IRAK2: variants seen among roughly 807,000 people sequenced by gnomAD.
IRAK2 encodes the protein interleukin-1 receptor-associated kinase-like 2.
Under a neutral mutation model 72.0 loss-of-function variants are expected in IRAK2, and 57 were observed. The observed-to-expected ratio is 0.79, with a 90% CI of 0.64 to 0.99. IRAK2 has a LOEUF of 0.99. Ranked by LOEUF, IRAK2 falls within the 50% of genes least tolerant of loss-of-function variation. The pLI, the probability that IRAK2 is intolerant of heterozygous loss-of-function variation, is 0.00. For missense variants in IRAK2, 790 were observed against 794.4 expected, an observed-to-expected ratio of 0.99 and a Z score of 0.07; for synonymous variants, 293 against 312.7, an observed-to-expected ratio of 0.94 and a Z score of 0.67.
At chr3:10,201,706 T>C (rs1455205110) in intron 3 of IRAK2, among the ~76,000 whole-genome samples, 1 of 152,218 alleles carries the variant, frequency 6.6e-6, no homozygotes, top group Admixed American at 6.5e-5. Context: ...GAGCTGCTGC[T>C]CAGCCCAATC....
intron 9 of IRAK2, among the ~76,000 whole-genome samples, chr3:10,224,348 A>G (rs1559451468): frequency 6.6e-6 from 1 of 151,570 alleles, no homozygotes; most frequent in Non-Finnish European, 1.5e-5. Flanking sequence ...AAAAAAAAAA[A>G]AAAGAAAAAA....
At chr3:10,173,162 C>T (rs1696823406) in intron 1 of IRAK2, among the ~76,000 whole-genome samples, 2 of 152,012 alleles carry the variant, frequency 1.3e-5, no homozygotes, top group Admixed American at 1.3e-4. Context: ...GATGAGGAAA[C>T]TGAGGCTCAG....
intron 1 of IRAK2, among the ~76,000 whole-genome samples, chr3:10,177,162 C>T (rs1384623656): frequency 6.6e-6 from 1 of 152,118 alleles, no homozygotes; most frequent in African/African-American, 2.4e-5. Context: ...GTCTTGAACT[C>T]CTGAGCTCCA....
chr3:10,165,543 TG>T (rs1696669877), intron 1 of IRAK2, among the ~76,000 whole-genome samples: 1 of 152,086 alleles, frequency 6.6e-6, no homozygotes, highest in South Asian at 2.1e-4. Context: ...TTGCCCAGGC[TG>T]GAGTGCAATG....
chr3:10,235,352 G>A (rs1403497673), intron 11 of IRAK2, among the ~76,000 whole-genome samples: 2 of 151,776 alleles, frequency 1.3e-5, no homozygotes, highest in Non-Finnish European at 2.9e-5. Context: ...TGTCGCCCAG[G>A]CTGGAGTGCA....
chr3:10,172,837 CAAAAAAA>C (rs533137515), intron 1 of IRAK2, among the ~76,000 whole-genome samples: 1 of 53,956 alleles, frequency 1.9e-5, no homozygotes, highest in Non-Finnish European at 3.1e-5. Flanking sequence ...GACTCTGTCT[CAAAAAAA>C]AAAAAAAAAA....
intron 6 of IRAK2, among the ~76,000 whole-genome samples, chr3:10,214,948 G>C (rs940071933): frequency 1.5e-4 from 23 of 151,830 alleles, no homozygotes; most frequent in African/African-American, 5.6e-4. Flanking sequence ...ACAAAAATTA[G>C]CTGGGTGTGG....
At chr3:10,182,197 G>A (rs1156469319) in intron 2 of IRAK2, among the ~76,000 whole-genome samples, 1 of 151,846 alleles carries the variant, frequency 6.6e-6, no homozygotes, top group Non-Finnish European at 1.5e-5. Context: ...TCGAACTCCT[G>A]ACCCGAGGTG....
At chr3:10,236,182 T>C (rs11706450) in intron 11 of IRAK2, among the ~76,000 whole-genome samples, 65,658 of 151,594 alleles carry the variant, frequency 0.43, 15,151 homozygotes, top group Admixed American at 0.53. Context: ...TGGCCTGAGC[T>C]GAGAGAGAGC....
In IRAK2 at chr3:10,222,915, G is replaced by C. The variant is rs965161229; in HGVS notation, c.1209+84G>C. 4.9e-6 allele frequency: 6 copies of C among 1,236,532 alleles called. No individual in the cohort carries two copies. The African/African-American group carries it at 8.8e-5, about 18-fold the overall frequency. 76.6% of individuals were successfully genotyped at this position (1,236,532 alleles called of 1,614,324 possible). A position where few individuals can be genotyped will look rare whatever the true frequency, so the allele number is the denominator to read the frequency against. On this transcript the variant is annotated intron_variant, in intron 9 of 12. Coordinates refer to ENST00000256458, the MANE Select transcript of IRAK2 (RefSeq NM_001570.4). ...TCCTTTGTAATCACAGGATACGGTAGAGGCACACAGACAGGTTCCATCAAA... is the reference window on the plus strand; with the variant it reads ...TCCTTTGTAATCACAGGATACGGTACAGGCACACAGACAGGTTCCATCAAA...
intron 2 of IRAK2, among the ~76,000 whole-genome samples, chr3:10,183,764 A>C (rs1279103974): frequency 6.6e-6 from 1 of 151,790 alleles, no homozygotes; most frequent in Non-Finnish European, 1.5e-5. Flanking sequence ...AGAATAAATC[A>C]GTACAGAAGG....
chr3:10,197,413 A>G (rs1398716987), intron 2 of IRAK2, among the ~76,000 whole-genome samples: 1 of 151,682 alleles, frequency 6.6e-6, no homozygotes, highest in Non-Finnish European at 1.5e-5. Context: ...AAGAAAAAGA[A>G]AACTAAAAGA....
intron 3 of IRAK2, 123 bp downstream of exon 3, chr3:10,200,638 C>G: frequency 1.3e-6 from 1 of 775,264 alleles, no homozygotes; most frequent in Admixed American, 3.4e-5. Flanking sequence ...GTGGCCCATG[C>G]CTATAATCCC....
intron 2 of IRAK2, among the ~76,000 whole-genome samples, chr3:10,197,729 A>G (rs13319864): frequency 0.045 from 6,490 of 145,546 alleles, 472 homozygotes; most frequent in African/African-American, 0.16. Flanking sequence ...GTGGGCGCCT[A>G]TAGTCCCAGC....
At chr3:10,234,685 C>G in intron 11 of IRAK2, 26 bp downstream of exon 11, 1 of 1,600,446 alleles carries the variant, frequency 6.2e-7, no homozygotes, top group Non-Finnish European at 8.5e-7. Flanking sequence ...AGCGGCCTCG[C>G]TGCCTGGGCC....
At chr3:10,222,110 A>T (rs1697707339) in intron 8 of IRAK2, among the ~76,000 whole-genome samples, 1 of 149,908 alleles carries the variant, frequency 6.7e-6, no homozygotes. Context: ...CTGGTCTTGA[A>T]CTCCTGACCT....
At chr3:10,224,084 C>G (rs1697734041) in intron 9 of IRAK2, among the ~76,000 whole-genome samples, 1 of 152,096 alleles carries the variant, frequency 6.6e-6, no homozygotes, top group Admixed American at 6.6e-5. Flanking sequence ...TGCCTAAAAT[C>G]TCAGTACTTT....
At chr3:10,179,678 C>T (rs1696931755) in intron 2 of IRAK2, among the ~76,000 whole-genome samples, 1 of 152,144 alleles carries the variant, frequency 6.6e-6, no homozygotes, top group Non-Finnish European at 1.5e-5. Flanking sequence ...AAATGATCCA[C>T]CTGCCTTGGC....
At chr3:10,176,644 A>G (rs919643337) in intron 1 of IRAK2, among the ~76,000 whole-genome samples, 1 of 141,634 alleles carries the variant, frequency 7.1e-6, no homozygotes, top group Non-Finnish European at 1.5e-5. Context: ...CGCCCGGCTA[A>G]TTTTTTGTAT....
Sources: gnomAD v4.1 joint callset for allele counts (sites outside exome capture counted in the v4.1 genomes callset) on GRCh38, gnomAD v4.1.1 for gene constraint, MANE v1.5 for transcripts, NCBI Gene and HGNC (gene_info 2026-07-23, HGNC 2026-07-21) for gene names.